RALGAPA2: variants seen among roughly 807,000 people sequenced by gnomAD.
RALGAPA2 encodes the protein ral GTPase-activating protein subunit alpha-2.
Under a neutral mutation model 230.4 loss-of-function variants are expected in RALGAPA2, and 139 were observed. The ratio of observed to expected loss-of-function variants is 0.60; its 90% confidence interval spans 0.53 to 0.69. RALGAPA2 has a LOEUF of 0.69. Ranked by LOEUF, RALGAPA2 falls within the 30% of genes least tolerant of loss-of-function variation. The pLI, the probability that RALGAPA2 is intolerant of heterozygous loss-of-function variation, is 0.00. For synonymous variants in RALGAPA2, 847 were observed against 837.8 expected, an observed-to-expected ratio of 1.01 and a Z score of -0.19; for missense variants, 2,163 against 2,276.0, an observed-to-expected ratio of 0.95 and a Z score of 1.01.
At chr20:20,443,440 T>TA in intron 37 of RALGAPA2, among the ~76,000 whole-genome samples, 1 of 152,218 alleles carries the variant, frequency 6.6e-6, no homozygotes, top group Non-Finnish European at 1.5e-5. Flanking sequence ...CAGGTGCCTC[T>TA]TGATCTTCAC....
intron 13 of RALGAPA2, among the ~76,000 whole-genome samples, chr20:20,613,072 G>A (rs978489026): frequency 6.6e-6 from 1 of 152,232 alleles, no homozygotes; most frequent in African/African-American, 2.4e-5. Flanking sequence ...GCTTGGAAAG[G>A]CATGCAGAGT....
At chr20:20,406,161 GTTTTTTCTT>G (rs762659529) in intron 38 of RALGAPA2, among the ~76,000 whole-genome samples, 6 of 152,062 alleles carry the variant, frequency 3.9e-5, no homozygotes, top group Admixed American at 6.6e-5. Context: ...AATACCCTCA[GTTTTTTCTT>G]TTTTTTCTTT....
chr20:20,643,666 G>C (rs1289161401), intron 4 of RALGAPA2, 117 bp from the exon 5 acceptor site: 2 of 988,824 alleles, frequency 2.0e-6, no homozygotes, highest in Admixed American at 3.8e-5. Flanking sequence ...AAGGAAGAAG[G>C]CTGACCTTCA....
At chr20:20,490,967 G>A (rs2062039290) in intron 36 of RALGAPA2, among the ~76,000 whole-genome samples, 1 of 151,754 alleles carries the variant, frequency 6.6e-6, no homozygotes, top group African/African-American at 2.4e-5. Context: ...ACGCTCTGGG[G>A]ATAGTCAGGA....
Position 20,497,722 on chromosome 20 carries a change from A to G in RALGAPA2, c.5209-2447T>C, listed in dbSNP as rs534775796. ...GTAAGTATCTCTTAATTTTACTTGCATCTGTATACTCAGAACTACAGCGAG... is the reference window on the plus strand; with the variant it reads ...GTAAGTATCTCTTAATTTTACTTGCGTCTGTATACTCAGAACTACAGCGAG... On this transcript the variant is annotated intron_variant, in intron 35 of 39. Coordinates refer to ENST00000202677, the MANE Select transcript of RALGAPA2 (RefSeq NM_020343.4). Among the ~76,000 whole-genome samples the G allele has an allele frequency of 2.6e-4, 40 of 152,332 alleles. No individual in the cohort carries two copies. The South Asian group carries it at 8.1e-3, about 31-fold the overall frequency.
In RALGAPA2 at chr20:20,456,486, C is replaced by T. The variant is rs1392323405; in HGVS notation, c.5495+16343G>A. ...CTTATCTCACAACAGGCTCACTCTC[C>T]TCCCTTGAATCTAGGCTGGCCTTGT... On this transcript the variant is annotated intron_variant, in intron 37 of 39. Coordinates refer to ENST00000202677, the MANE Select transcript of RALGAPA2 (RefSeq NM_020343.4). 5.3e-5 allele frequency among the ~76,000 whole-genome samples: 8 copies of T among 152,378 alleles called. No homozygotes were observed. In the South Asian group the frequency reaches 1.4e-3, roughly 28 times the overall value.
intron 34 of RALGAPA2, 71 bp downstream of exon 34, chr20:20,505,340 C>A: frequency 7.3e-7 from 1 of 1,373,134 alleles, no homozygotes; most frequent in Non-Finnish European, 9.5e-7. Flanking sequence ...TAAAAACTTA[C>A]ACAATGTCTA....
chr20:20,501,128 T>C (rs899082480), intron 35 of RALGAPA2, among the ~76,000 whole-genome samples: 2 of 152,216 alleles, frequency 1.3e-5, no homozygotes, highest in African/African-American at 4.8e-5. Flanking sequence ...GAATGGTAAA[T>C]GAGCACTGGC....
chr20:20,412,873 T>C (rs955172509), intron 37 of RALGAPA2, among the ~76,000 whole-genome samples: 1 of 152,208 alleles, frequency 6.6e-6, no homozygotes, highest in Admixed American at 6.5e-5. Context: ...CCAGCTGTCT[T>C]AATAGGACCC....
intron 4 of RALGAPA2, among the ~76,000 whole-genome samples, chr20:20,648,036 T>C (rs1358144196): frequency 6.6e-6 from 1 of 152,296 alleles, no homozygotes; most frequent in East Asian, 1.9e-4. Context: ...AGCATAAATG[T>C]TTATAGTAGC....
At chr20:20,703,775 G>T (rs941238420) in intron 1 of RALGAPA2, among the ~76,000 whole-genome samples, 3 of 152,146 alleles carry the variant, frequency 2.0e-5, no homozygotes, top group Non-Finnish European at 4.4e-5. Flanking sequence ...ACAATGAAAG[G>T]CATAAAGGAA....
chr20:20,546,028 C>G (rs565476352), intron 24 of RALGAPA2, among the ~76,000 whole-genome samples: 5 of 152,266 alleles, frequency 3.3e-5, no homozygotes, highest in African/African-American at 1.2e-4. Context: ...CATGACAGCA[C>G]CAGTGCGCTT....
chr20:20,653,726 G>T, intron 3 of RALGAPA2, 139 bp from the exon 4 acceptor site: 1 of 514,132 alleles, frequency 1.9e-6, no homozygotes, highest in East Asian at 3.0e-5. Context: ...TGCACTTCAT[G>T]CTGTATTCCT....
chr20:20,638,125 T>C (rs530015883), intron 7 of RALGAPA2, among the ~76,000 whole-genome samples: 5 of 152,206 alleles, frequency 3.3e-5, no homozygotes, highest in Non-Finnish European at 5.9e-5. Flanking sequence ...AGTGTTTGCA[T>C]AGTGGGAGCA....
chr20:20,446,434 T>C (rs2060865292), intron 37 of RALGAPA2, among the ~76,000 whole-genome samples: 2 of 152,202 alleles, frequency 1.3e-5, no homozygotes, highest in Non-Finnish European at 2.9e-5. Context: ...CCATTACTTT[T>C]AAAGGCAAAA....
intron 38 of RALGAPA2, among the ~76,000 whole-genome samples, chr20:20,397,918 A>C (rs2059751887): frequency 6.6e-6 from 1 of 152,190 alleles, no homozygotes; most frequent in African/African-American, 2.4e-5. Context: ...ATTTCCAACC[A>C]CCGTTAACAC....
At chr20:20,592,685 C>G (rs942944538) in intron 16 of RALGAPA2, among the ~76,000 whole-genome samples, 2 of 152,178 alleles carry the variant, frequency 1.3e-5, no homozygotes, top group African/African-American at 4.8e-5. Context: ...GGTTTGTCAC[C>G]TGAAATGGAA....
At chr20:20,601,649 A>T in intron 16 of RALGAPA2, 33 bp downstream of exon 16, 1 of 1,593,082 alleles carries the variant, frequency 6.3e-7, no homozygotes, top group East Asian at 2.2e-5. Flanking sequence ...GATAACAATT[A>T]GATTTTTGAG....
chr20:20,678,523 T>A (rs1489620349), intron 2 of RALGAPA2, among the ~76,000 whole-genome samples: 2 of 152,108 alleles, frequency 1.3e-5, no homozygotes, highest in East Asian at 3.9e-4. Context: ...TATCCCCTTA[T>A]CTGCTCCTCC....
Sources: gnomAD v4.1 joint callset for allele counts (sites outside exome capture counted in the v4.1 genomes callset) on GRCh38, gnomAD v4.1.1 for gene constraint, MANE v1.5 for transcripts, NCBI Gene and HGNC (gene_info 2026-07-23, HGNC 2026-07-21) for gene names.